The following DCUN1D5 variants were observed in gnomAD, a reference collection of about 807,000 sequenced individuals.
DCUN1D5 encodes the protein DCN1-like protein 5.
In DCUN1D5, 10 loss-of-function variants were observed where a neutral mutation model predicts 38.3. That is an observed-to-expected ratio of 0.26 (90% CI 0.16 to 0.44). The LOEUF is 0.44. Ranked by LOEUF, DCUN1D5 falls within the 20% of genes least tolerant of loss-of-function variation. The probability of loss-of-function intolerance (pLI) is 1.00; values close to 1 mark genes in which losing one functional copy is unlikely to be tolerated. For synonymous variants in DCUN1D5, 93 were observed against 90.9 expected, an observed-to-expected ratio of 1.02 and a Z score of -0.13; for missense variants, 148 against 275.3, an observed-to-expected ratio of 0.54 and a Z score of 3.27.
rs1197832317 is a variant in DCUN1D5 at position 103,077,081 on chromosome 11, T to C, written c.341+5667A>G. 6.6e-6 allele frequency among the ~76,000 whole-genome samples: 1 copy of C among 152,054 alleles called. No individual in the cohort carries two copies. The stretch of plus-strand genomic sequence containing the variant: ...TGGGTGTGGTGGCGGGTGCCTGTAG[T>C]CCCAGCTACTCAGGAGTCTGAAGCA... On this transcript the variant is annotated intron_variant, in intron 4 of 7. Coordinates refer to ENST00000260247, the MANE Select transcript of DCUN1D5 (RefSeq NM_032299.4). This position sits in a 1 kb window ranked among gnomAD's most constrained non-coding sequence, Gnocchi z 4.3.
rs1861773504 is a variant in DCUN1D5, at chr11:103,052,722, G to C, written c.*9637C>G. On this transcript the variant is annotated 3_prime_UTR_variant, in exon 8 of 8. Coordinates refer to ENST00000260247, the MANE Select transcript of DCUN1D5 (RefSeq NM_032299.4). The stretch of plus-strand genomic sequence containing the variant: ...AATTATCATAAACCTTATAGTTCTA[G>C]TGTAAGTATTTCCAAAGATACTTGG... 1 of 152,090 alleles carries C rather than the reference G, an allele frequency of 6.6e-6. No homozygotes were observed. Among genetic ancestry groups the C allele is most frequent in the Admixed American group, 6.6e-5 (1 of 15,264 alleles). 9.4% of individuals were successfully genotyped at this position (152,090 alleles called of 1,614,324 possible). A position where few individuals can be genotyped will look rare whatever the true frequency, so the allele number is the denominator to read the frequency against.
chr11:103,057,453 C>T lies in DCUN1D5; in HGVS notation c.*4906G>A, dbSNP rs1239944302. Among the ~76,000 whole-genome samples, 4 of 151,772 alleles carry T rather than the reference C, an allele frequency of 2.6e-5. No individual in the cohort carries two copies. The highest frequency in any genetic ancestry group is 2.6e-4 in the Admixed American group (4 of 15,246). On this transcript the variant is annotated 3_prime_UTR_variant, in exon 8 of 8. Transcript: ENST00000260247. The surrounding 1 kb of genome is among the most constrained non-coding windows in gnomAD (Gnocchi z 4.8). ...GAGTGGTGGCTCACACCTGTAATCC[C>T]AGCACTTTGGGAGTCTGAGGTGGGT... is the stretch of plus-strand genomic sequence containing the variant.
chr11:103,062,283 T>C lies in DCUN1D5; in HGVS notation c.*76A>G, dbSNP rs1862030862. The C allele has an allele frequency of 7.1e-7, 1 of 1,405,050 alleles. No individual in the cohort carries two copies. Among genetic ancestry groups the C allele is most frequent in the Non-Finnish European group, 1.0e-6 (1 of 1,004,506 alleles). The allele number at this position is 1,405,050 out of a possible 1,614,324, so 87.0% of individuals were successfully genotyped here. ...TATGAATGAAAATGCACCCGTTGGA[T>C]TTTTTTCCCCCTCATCACATTAGCT... On this transcript the variant is annotated 3_prime_UTR_variant, in exon 8 of 8. Transcript: ENST00000260247. This position sits in a 1 kb window ranked among gnomAD's most constrained non-coding sequence, Gnocchi z 4.6.
rs1045287051 is a variant in DCUN1D5, at chr11:103,054,402, T to C, written c.*7957A>G. The C allele has an allele frequency of 6.6e-6, 1 of 152,166 alleles. No individual in the cohort carries two copies. The allele number at this position is 152,166 out of a possible 1,614,324, so 9.4% of individuals were successfully genotyped here. A position where few individuals can be genotyped will look rare whatever the true frequency, so the allele number is the denominator to read the frequency against. ...CCCTGACCGTTTTCTTATTTTTCTC[T>C]CTCTCATTATTCACATGTTCAAACA... is the stretch of plus-strand genomic sequence containing the variant. On this transcript the variant is annotated 3_prime_UTR_variant, in exon 8 of 8. Transcript: ENST00000260247.
chr11:103,080,824 T>C (rs563085644), intron 4 of DCUN1D5, among the ~76,000 whole-genome samples: 58 of 152,158 alleles, frequency 3.8e-4, no homozygotes, highest in African/African-American at 1.4e-3. Flanking sequence ...CTGGCTAACA[T>C]GGTGAATGAA....
intron 4 of DCUN1D5, among the ~76,000 whole-genome samples, chr11:103,069,014 C>T (rs1366339110): frequency 6.6e-6 from 1 of 152,002 alleles, no homozygotes; most frequent in Non-Finnish European, 1.5e-5. Context: ...TAAGTATAGA[C>T]GAATGCTTTC....
chr11:103,066,617 A>G lies in DCUN1D5; in HGVS notation c.342-50T>C. 1 of 1,198,276 alleles carries G rather than the reference A, an allele frequency of 8.3e-7. No individual in the cohort carries two copies. Among genetic ancestry groups the G allele is most frequent in the Non-Finnish European group, 1.2e-6 (1 of 813,706 alleles). 74.2% of individuals were successfully genotyped at this position (1,198,276 alleles called of 1,614,324 possible). On this transcript the variant is annotated intron_variant, in intron 4 of 7. Coordinates refer to ENST00000260247, the MANE Select transcript of DCUN1D5 (RefSeq NM_032299.4). The surrounding 1 kb of genome is among the most constrained non-coding windows in gnomAD (Gnocchi z 4.7). ...AATTACATAATCAAGAAAATCAAAT[A>G]AAAGTATCACTGGGGGTTAGACGTA...
chr11:103,067,023 T>C (rs1341428235), intron 4 of DCUN1D5, among the ~76,000 whole-genome samples: 1 of 152,194 alleles, frequency 6.6e-6, no homozygotes, highest in Non-Finnish European at 1.5e-5. Flanking sequence ...AAGTTTAGGA[T>C]ATAACACAGT....
rs1231416248 is a variant in DCUN1D5 at position 103,066,085 on chromosome 11, T to A, written c.555+184A>T. ...GGGGTAGGATTGAAAATATCTTAGGTACAAAATATATTAATAAACATGAAC... is the reference window on the plus strand; with the variant it reads ...GGGGTAGGATTGAAAATATCTTAGGAACAAAATATATTAATAAACATGAAC... On this transcript the variant is annotated intron_variant, in intron 6 of 7. Coordinates refer to ENST00000260247, the MANE Select transcript of DCUN1D5 (RefSeq NM_032299.4). The surrounding 1 kb of genome is among the most constrained non-coding windows in gnomAD (Gnocchi z 4.7). Among the ~76,000 whole-genome samples the A allele has an allele frequency of 2.0e-5, 3 of 151,660 alleles. No individual in the cohort carries two copies. The highest frequency in any genetic ancestry group is 2.0e-4 in the Admixed American group (3 of 15,246).
At chr11:103,072,328 GGATCTAGAACTAGATCTAGATCTA>G (rs764632778) in intron 4 of DCUN1D5, among the ~76,000 whole-genome samples, 23 of 136,422 alleles carry the variant, frequency 1.7e-4, no homozygotes, top group South Asian at 8.9e-4. Context: ...GATTCCTCAA[GGATCTAGAACTAGATCTAGATCTA>G]GATCTAGATC....
In DCUN1D5 at chr11:103,071,096, C is replaced by T. The variant is rs2134611763; in HGVS notation, c.342-4529G>A. Reference sequence around the variant, plus strand: ...GGAAATTTATAGTGCTAAATACACACATTAGAAAAAAGAAAAAGCCTTAAT... The same window carrying T: ...GGAAATTTATAGTGCTAAATACACATATTAGAAAAAAGAAAAAGCCTTAAT... On this transcript the variant is annotated intron_variant, in intron 4 of 7. Transcript: ENST00000260247. The surrounding 1 kb of genome is among the most constrained non-coding windows in gnomAD (Gnocchi z 4.1). Among the ~76,000 whole-genome samples the T allele has an allele frequency of 6.6e-6, 1 of 152,070 alleles. No homozygotes were observed. Among genetic ancestry groups the T allele is most frequent in the East Asian group, 1.9e-4 (1 of 5,182 alleles).
At position 103,066,937 on chromosome 11, in the gene DCUN1D5, C is replaced by T. The variant is rs768566958; in HGVS notation, c.342-370G>A. Among the ~76,000 whole-genome samples, 25 of 152,150 alleles carry T rather than the reference C, an allele frequency of 1.6e-4. No individual in the cohort carries two copies. Among genetic ancestry groups the T allele is most frequent in the Non-Finnish European group, 2.6e-4 (18 of 68,018 alleles). ...ATGGCAGAGCAAATGAAACTAATCA[C>T]GCCTTTGTCACACATTTCTTTAGAA... is the stretch of plus-strand genomic sequence containing the variant. On this transcript the variant is annotated intron_variant, in intron 4 of 7. Coordinates refer to ENST00000260247, the MANE Select transcript of DCUN1D5 (RefSeq NM_032299.4). This position sits in a 1 kb window ranked among gnomAD's most constrained non-coding sequence, Gnocchi z 4.7.
chr11:103,080,836 C>G (rs796221421), intron 4 of DCUN1D5, among the ~76,000 whole-genome samples: 1 of 152,022 alleles, frequency 6.6e-6, no homozygotes, highest in African/African-American at 2.4e-5. Context: ...GTGAATGAAA[C>G]CCTGTCTCTA....
At chr11:103,080,420 G>C (rs1234924130) in intron 4 of DCUN1D5, among the ~76,000 whole-genome samples, 2 of 152,100 alleles carry the variant, frequency 1.3e-5, no homozygotes, top group Non-Finnish European at 2.9e-5. Flanking sequence ...TTCATAGCAA[G>C]TTTTTAATAA....
At position 103,071,809 on chromosome 11, in the gene DCUN1D5, A is replaced by G. The variant is rs1304869994; in HGVS notation, c.342-5242T>C. Among the ~76,000 whole-genome samples the G allele has an allele frequency of 6.6e-6, 1 of 151,358 alleles. No homozygotes were observed. Among genetic ancestry groups the G allele is most frequent in the East Asian group, 1.9e-4 (1 of 5,178 alleles). On this transcript the variant is annotated intron_variant, in intron 4 of 7. Coordinates refer to ENST00000260247, the MANE Select transcript of DCUN1D5 (RefSeq NM_032299.4). This position sits in a 1 kb window ranked among gnomAD's most constrained non-coding sequence, Gnocchi z 4.1. ...AACTTTCAAAAAAGAAACTCCAGGA[A>G]CAGATGGTTTCACTACAGAATTATA...
intron 1 of DCUN1D5, among the ~76,000 whole-genome samples, chr11:103,090,994 T>C (rs12295152): frequency 0.033 from 5,065 of 152,312 alleles, 289 homozygotes; most frequent in African/African-American, 0.12. Context: ...AATTTTGCTG[T>C]GATGCCTCCA....
intron 3 of DCUN1D5, 59 bp from the exon 4 acceptor site, chr11:103,082,898 A>G: frequency 6.0e-6 from 8 of 1,327,310 alleles, no homozygotes; most frequent in Non-Finnish European, 8.6e-6. Context: ...AATCATGTCT[A>G]TATTTATCAT....
In DCUN1D5 at chr11:103,062,301, C is replaced by T. The variant is rs865819889; in HGVS notation, c.*58G>A. The stretch of plus-strand genomic sequence containing the variant: ...CGTTGGATTTTTTTCCCCCTCATCA[C>T]ATTAGCTTGTATACACGTGGGAATT... On this transcript the variant is annotated 3_prime_UTR_variant, in exon 8 of 8. Transcript: ENST00000260247. This position sits in a 1 kb window ranked among gnomAD's most constrained non-coding sequence, Gnocchi z 4.6. The T allele has an allele frequency of 1.3e-6, 2 of 1,526,670 alleles. No homozygotes were observed. Among genetic ancestry groups the T allele is most frequent in the Non-Finnish European group, 9.1e-7 (1 of 1,102,864 alleles). 94.6% of individuals were successfully genotyped at this position (1,526,670 alleles called of 1,614,324 possible).
In DCUN1D5 at chr11:103,051,501, T is replaced by TGC; in HGVS notation, c.*10857_*10858insGC. 1 of 111,484 alleles carries TGC rather than the reference T, an allele frequency of 9.0e-6. No homozygotes were observed. The allele number at this position is 111,484 out of a possible 1,614,324, so 6.9% of individuals were successfully genotyped here. A position where few individuals can be genotyped will look rare whatever the true frequency, so the allele number is the denominator to read the frequency against. ...GATTTGGTGGCTTCACATATTTACT[T>TGC]CCCCCCCCCCCCCGCCACCCCTGTG... is the stretch of plus-strand genomic sequence containing the variant. On this transcript the variant is annotated 3_prime_UTR_variant, in exon 8 of 8. Coordinates refer to ENST00000260247, the MANE Select transcript of DCUN1D5 (RefSeq NM_032299.4).
Sources: allele counts gnomAD v4.1 joint callset (sites outside exome capture counted in the v4.1 genomes callset), GRCh38; gene constraint gnomAD v4.1.1; non-coding constraint Gnocchi (gnomAD v3.1); transcripts MANE v1.5; gene names NCBI Gene and HGNC (gene_info 2026-07-23, HGNC 2026-07-21).